Variants in KAZN observed in about 807,000 individuals in gnomAD.
KAZN encodes the protein kazrin.
KAZN carries 40 observed loss-of-function variants against 87.4 expected under a neutral mutation model. The ratio of observed to expected loss-of-function variants is 0.46; its 90% CI spans 0.36 to 0.60. The LOEUF (loss-of-function observed/expected upper bound fraction) is 0.60, where lower values mean the gene tolerates loss of function less well. Ranked by LOEUF, KAZN falls within the 20% of genes least tolerant of loss-of-function variation. The pLI is 0.00. For missense variants in KAZN, 898 were observed against 1,073.9 expected (o/e 0.84, Z 2.29); for synonymous variants, 466 against 458.3 (o/e 1.02, Z -0.22).
chr1:14,206,524 T>C (rs1646748216), intron 2 of KAZN, among the ~76,000 whole-genome samples: 1 of 152,076 alleles, frequency 6.6e-6, no homozygotes, highest in South Asian at 2.1e-4. Context: ...AGCTTTAGAG[T>C]CTATGGTAAC....
Position 14,946,682 on chromosome 1 carries a change from C to T in KAZN, c.227-14002C>T, listed in dbSNP as rs576676784. On this transcript the variant is annotated intron_variant, in intron 1 of 14. Coordinates refer to ENST00000376030, the MANE Select transcript of KAZN (RefSeq NM_201628.3). ...CTAGGAGAGCCTTCAGCTGAGCCCC[C>T]GTTCACCTACTTCTCCTCTTAGCAG... Among the ~76,000 whole-genome samples the T allele has an allele frequency of 2.6e-5, 4 of 152,264 alleles. No homozygotes were observed. In the South Asian group the frequency reaches 6.2e-4, roughly 24 times the overall value.
At chr1:14,171,339 G>A (rs977676851) in intron 1 of KAZN, among the ~76,000 whole-genome samples, 2 of 151,524 alleles carry the variant, frequency 1.3e-5, no homozygotes, top group African/African-American at 2.4e-5. Flanking sequence ...AGAAAATTCT[G>A]TGTTCAACTT....
chr1:14,234,256 G>A (rs1055198596), intron 2 of KAZN, among the ~76,000 whole-genome samples: 1 of 152,144 alleles, frequency 6.6e-6, no homozygotes, highest in East Asian at 1.9e-4. Flanking sequence ...TCTTTGCAGG[G>A]ACATGGATGA....
chr1:14,726,390 C>T (rs1353587705), intron 1 of KAZN, among the ~76,000 whole-genome samples: 2 of 152,304 alleles, frequency 1.3e-5, no homozygotes, highest in Admixed American at 1.3e-4. Flanking sequence ...CAGAAGGAAG[C>T]GTCCCCTGGG....
intron 2 of KAZN, among the ~76,000 whole-genome samples, chr1:14,546,989 C>T (rs1438049543): frequency 6.6e-6 from 1 of 152,150 alleles, no homozygotes; most frequent in African/African-American, 2.4e-5. Flanking sequence ...GTCGGGAACT[C>T]ACATATATTT....
chr1:14,238,417 C>A (rs1648617775), intron 2 of KAZN, among the ~76,000 whole-genome samples: 1 of 152,192 alleles, frequency 6.6e-6, no homozygotes, highest in African/African-American at 2.4e-5. Flanking sequence ...CTAGTGGATT[C>A]TTTTCCGGCC....
intron 1 of KAZN, among the ~76,000 whole-genome samples, chr1:14,621,223 A>T (rs779713852): frequency 2.0e-5 from 3 of 152,282 alleles, no homozygotes; most frequent in Non-Finnish European, 1.5e-5. Flanking sequence ...GGGTGGAAAG[A>T]GTGGGGCTTA....
rs528167149 is a variant in KAZN, at chr1:14,820,796, G to A, written c.227-139888G>A. Reference sequence around the variant, plus strand: ...AAGATTCCAGAGGAAGAGCAGTGGGGCACAGTGGGGAGTGAAGGGGGCCAT... The same window carrying A: ...AAGATTCCAGAGGAAGAGCAGTGGGACACAGTGGGGAGTGAAGGGGGCCAT... On this transcript the variant is annotated intron_variant, in intron 1 of 14. Transcript: ENST00000376030. This position sits in a 1 kb window ranked among gnomAD's most constrained non-coding sequence, Gnocchi z 4.1. Among the ~76,000 whole-genome samples the A allele has an allele frequency of 3.3e-5, 5 of 152,296 alleles. No individual in the cohort carries two copies. In the East Asian group the frequency reaches 5.8e-4, roughly 18 times the overall value.
At chr1:14,597,708 C>A (rs1464234862), upstream of KAZN, among the ~76,000 whole-genome samples, 1 of 152,138 alleles carries the variant, frequency 6.6e-6, no homozygotes, top group Admixed American at 6.5e-5. Context: ...GTTGACTGAG[C>A]TGGAATGATG....
In KAZN at chr1:14,908,234, AC is replaced by A. The variant is rs34618821; in HGVS notation, c.227-52449del. 8.7e-3 allele frequency among the ~76,000 whole-genome samples: 1,309 copies of A among 150,906 alleles called. 10 individuals are homozygous for A. Among genetic ancestry groups the A allele is most frequent in the Non-Finnish European group, 0.014 (968 of 67,826 alleles). ...GCAACATAGCAAGACCCCTATCTGT[AC>A]AAAAAATAAAAATAAGAAAAATTGG... is the stretch of plus-strand genomic sequence containing the variant. On this transcript the variant is annotated intron_variant, in intron 1 of 14. Coordinates refer to ENST00000376030, the MANE Select transcript of KAZN (RefSeq NM_201628.3).
chr1:14,105,939 C>T (rs890639764), intron 1 of KAZN, among the ~76,000 whole-genome samples: 5 of 152,226 alleles, frequency 3.3e-5, no homozygotes, highest in African/African-American at 9.6e-5. Context: ...AATAAATGAC[C>T]TCTTTTCTGC....
At chr1:14,511,405 A>G (rs1050764399) in intron 2 of KAZN, among the ~76,000 whole-genome samples, 1 of 152,176 alleles carries the variant, frequency 6.6e-6, no homozygotes, top group Admixed American at 6.5e-5. Flanking sequence ...CAGGGAGTAG[A>G]AACTAGTAAA....
intron 1 of KAZN, among the ~76,000 whole-genome samples, chr1:13,924,100 C>A (rs1302706986): frequency 6.6e-6 from 1 of 151,914 alleles, no homozygotes; most frequent in Non-Finnish European, 1.5e-5. Flanking sequence ...TTTTTCATGG[C>A]TCACTGCTTC....
intron 1 of KAZN, among the ~76,000 whole-genome samples, chr1:13,914,819 G>A (rs1024611663): frequency 1.3e-5 from 2 of 152,190 alleles, no homozygotes; most frequent in Non-Finnish European, 2.9e-5. Flanking sequence ...TGGCTGCAAT[G>A]GGAACCTCAG....
intron 1 of KAZN, among the ~76,000 whole-genome samples, chr1:14,828,124 C>T (rs535777872): frequency 3.6e-4 from 55 of 152,312 alleles, no homozygotes; most frequent in African/African-American, 1.3e-3. Flanking sequence ...CCTTGGCATA[C>T]ACAATCAATC....
At chr1:14,924,283 G>A in intron 1 of KAZN, 6 of 983,404 alleles carry the variant, frequency 6.1e-6, no homozygotes, top group Non-Finnish European at 7.2e-6. Context: ...CGATGCGGCG[G>A]CGACCTCCGG....
In KAZN at chr1:14,793,452, A is replaced by T. The variant is rs556830109; in HGVS notation, c.227-167232A>T. 5.9e-4 allele frequency among the ~76,000 whole-genome samples: 90 copies of T among 152,238 alleles called. 1 individual carries two copies. Among genetic ancestry groups the T allele is most frequent in the African/African-American group, 2.2e-3 (90 of 41,534 alleles). On this transcript the variant is annotated intron_variant, in intron 1 of 14. Transcript: ENST00000376030. ...CTGGAGGCAGACCAGCTGGGTTCAAACCCCAACTCTACTAGCTATTAGCTA... is the reference window on the plus strand; with the variant it reads ...CTGGAGGCAGACCAGCTGGGTTCAATCCCCAACTCTACTAGCTATTAGCTA...
Position 14,820,993 on chromosome 1 carries a change from G to C in KAZN, c.227-139691G>C, listed in dbSNP as rs371705716. On this transcript the variant is annotated intron_variant, in intron 1 of 14. Coordinates refer to ENST00000376030, the MANE Select transcript of KAZN (RefSeq NM_201628.3). The surrounding 1 kb of genome is among the most constrained non-coding windows in gnomAD (Gnocchi z 4.1). Reference sequence around the variant, plus strand: ...TCTGTGATGGATTGTCGGGAGAAACGGGAGCGTGTGAGGAATTGAAAAGGA... The same window carrying C: ...TCTGTGATGGATTGTCGGGAGAAACCGGAGCGTGTGAGGAATTGAAAAGGA... Among the ~76,000 whole-genome samples the C allele has an allele frequency of 1.1e-4, 17 of 152,272 alleles. No homozygotes were observed. Among genetic ancestry groups the C allele is most frequent in the East Asian group, 9.7e-4 (5 of 5,168 alleles).
chr1:14,834,040 G>A (rs967296867), intron 1 of KAZN, among the ~76,000 whole-genome samples: 5 of 150,194 alleles, frequency 3.3e-5, no homozygotes, highest in African/African-American at 1.2e-4. Context: ...TATATTTTTT[G>A]TTGTTGTTGT....
Sources: allele counts gnomAD v4.1 joint callset (sites outside exome capture counted in the v4.1 genomes callset), GRCh38; gene constraint gnomAD v4.1.1; non-coding constraint Gnocchi (gnomAD v3.1); transcripts MANE v1.5; gene names NCBI Gene and HGNC (gene_info 2026-07-23, HGNC 2026-07-21).